The following NRP1 variants were observed in gnomAD, a reference collection of about 807,000 sequenced individuals.
The protein encoded by NRP1 is neuropilin-1.
In NRP1, 35 loss-of-function variants were observed where a neutral mutation model predicts 106.7. The ratio of observed to expected loss-of-function variants is 0.33; its 90% CI spans 0.25 to 0.43. The LOEUF (loss-of-function observed/expected upper bound fraction) is 0.43. NRP1 is among the 20% of genes least tolerant of loss of function. The pLI is 1.00. For missense variants in NRP1, 1,024 were observed against 1,170.4 expected, an observed-to-expected ratio of 0.87 and a Z score of 1.83; for synonymous variants, 437 against 417.9, an observed-to-expected ratio of 1.05 and a Z score of -0.56.
chr10:33,197,594 C>T, intron 12 of NRP1, 56 bp downstream of exon 12: 5 of 1,400,664 alleles, frequency 3.6e-6, no homozygotes, highest in Admixed American at 1.9e-5. Context: ...AGGAGCGCAG[C>T]CGCGGAGAGA....
At chr10:33,289,893 G>A (rs72790259) in intron 2 of NRP1, among the ~76,000 whole-genome samples, 159 of 152,268 alleles carry the variant, frequency 1.0e-3, no homozygotes, top group Non-Finnish European at 2.1e-3. Context: ...CAGTATCTGC[G>A]GAGGCCAGCA....
At chr10:33,214,302 T>C (rs1404138312) in intron 8 of NRP1, among the ~76,000 whole-genome samples, 1 of 152,166 alleles carries the variant, frequency 6.6e-6, no homozygotes, top group Non-Finnish European at 1.5e-5. Flanking sequence ...ACTTTCCACA[T>C]GAATGTCTCA....
chr10:33,298,365 G>A (rs924314936), intron 2 of NRP1, among the ~76,000 whole-genome samples: 1 of 152,216 alleles, frequency 6.6e-6, no homozygotes, highest in Non-Finnish European at 1.5e-5. Flanking sequence ...CTGTTCTGGC[G>A]CTGGGCTATT....
At chr10:33,246,196 C>T (rs1488288683) in intron 6 of NRP1, among the ~76,000 whole-genome samples, 1 of 149,240 alleles carries the variant, frequency 6.7e-6, no homozygotes. Flanking sequence ...ATAATCATCT[C>T]TAATGTGTGC....
rs773167360 is a variant in NRP1, at chr10:33,244,792, G to A, written c.981+9236C>T. On this transcript the variant is annotated intron_variant, in intron 6 of 16. Coordinates refer to ENST00000374867, the MANE Select transcript of NRP1 (RefSeq NM_003873.7). ...TACATACCACATAAAAACAAAACTA[G>A]GTAGGCAAAGGTCAGTGACATACAA... Among the ~76,000 whole-genome samples, 71 of 152,028 alleles carry A rather than the reference G, an allele frequency of 4.7e-4. 1 individual carries two copies. The highest frequency in any genetic ancestry group is 6.2e-4 in the South Asian group (3 of 4,810).
At chr10:33,246,540 T>A (rs1262721217) in intron 6 of NRP1, among the ~76,000 whole-genome samples, 2 of 152,052 alleles carry the variant, frequency 1.3e-5, no homozygotes, top group Non-Finnish European at 2.9e-5. Flanking sequence ...TCCTTCCAGA[T>A]GAATGTTTTG....
At chr10:33,206,077 T>C (rs1003717946) in intron 10 of NRP1, 7 of 413,784 alleles carry the variant, frequency 1.7e-5, no homozygotes, top group South Asian at 3.6e-5. Context: ...ACTGTCATCA[T>C]GTTCTCATTA....
intron 1 of NRP1, among the ~76,000 whole-genome samples, chr10:33,332,147 A>C (rs1848326420): frequency 6.6e-6 from 1 of 152,222 alleles, no homozygotes; most frequent in African/African-American, 2.4e-5. Flanking sequence ...ATAAATTAAA[A>C]AAAGAAGACA....
chr10:33,245,999 T>G (rs1841392762), intron 6 of NRP1, among the ~76,000 whole-genome samples: 1 of 152,198 alleles, frequency 6.6e-6, no homozygotes, highest in Non-Finnish European at 1.5e-5. Flanking sequence ...TCTAAGAGGC[T>G]TTTTCAAATA....
chr10:33,180,373 A>G lies in NRP1; in HGVS notation c.2483-8T>C, dbSNP rs1835608563. 1 of 1,571,530 alleles carries G rather than the reference A, an allele frequency of 6.4e-7. No individual in the cohort carries two copies. The highest frequency in any genetic ancestry group is 1.4e-5 in the African/African-American group (1 of 73,280). ...CGTATCCTGGCGTGCTCCCTATGGA[A>G]AAAAACAATATTGTCTCCGTGAGCA... On this transcript the variant is annotated splice_region_variant and splice_polypyrimidine_tract_variant and intron_variant, in intron 16 of 16. Transcript: ENST00000374867.
chr10:33,208,259 C>A (rs1837979500), intron 9 of NRP1, among the ~76,000 whole-genome samples: 1 of 152,174 alleles, frequency 6.6e-6, no homozygotes, highest in South Asian at 2.1e-4. Flanking sequence ...CATGATGTTG[C>A]CCAGGCTGGT....
At chr10:33,315,605 G>A (rs534031284) in intron 2 of NRP1, among the ~76,000 whole-genome samples, 1 of 152,320 alleles carries the variant, frequency 6.6e-6, no homozygotes, top group Non-Finnish European at 1.5e-5. Context: ...TGTAACTACT[G>A]TATGATCTTG....
chr10:33,237,487 G>T (rs566873088), intron 6 of NRP1, among the ~76,000 whole-genome samples: 1 of 144,758 alleles, frequency 6.9e-6, no homozygotes, highest in Non-Finnish European at 1.5e-5. Flanking sequence ...ACATGCGCGC[G>T]CACACACACA....
At chr10:33,300,400 T>TA (rs539029273) in intron 2 of NRP1, among the ~76,000 whole-genome samples, 258 of 152,324 alleles carry the variant, frequency 1.7e-3, no homozygotes, top group South Asian at 5.2e-3. Context: ...GTGGGAGCTC[T>TA]AAGGCTCCAC....
At chr10:33,331,898 G>A (rs1471139290) in intron 1 of NRP1, among the ~76,000 whole-genome samples, 1 of 151,984 alleles carries the variant, frequency 6.6e-6, no homozygotes, top group African/African-American at 2.4e-5. Flanking sequence ...TAAGAGAAAC[G>A]GTATGAAAAC....
intron 8 of NRP1, among the ~76,000 whole-genome samples, chr10:33,215,660 C>T (rs772589194): frequency 6.6e-6 from 1 of 152,132 alleles, no homozygotes; most frequent in African/African-American, 2.4e-5. Context: ...ATATAACTAC[C>T]CCTAAGTGAG....
intron 1 of NRP1, 51 bp downstream of exon 1, chr10:33,334,259 C>A: frequency 6.7e-7 from 1 of 1,503,722 alleles, no homozygotes; most frequent in Non-Finnish European, 9.0e-7. Flanking sequence ...CCGGGGCGGG[C>A]AGCTGGGAGC....
At chr10:33,245,174 A>G (rs903232443) in intron 6 of NRP1, among the ~76,000 whole-genome samples, 1 of 152,090 alleles carries the variant, frequency 6.6e-6, no homozygotes, top group Non-Finnish European at 1.5e-5. Context: ...ACAACAATGA[A>G]TTTTTTTCTT....
chr10:33,187,269 C>T (rs1836073486), intron 13 of NRP1, among the ~76,000 whole-genome samples: 1 of 152,230 alleles, frequency 6.6e-6, no homozygotes, highest in Non-Finnish European at 1.5e-5. Context: ...TTTTATTTAT[C>T]ATTTGAGCAG....
Sources: allele counts gnomAD v4.1 joint callset (sites outside exome capture counted in the v4.1 genomes callset), GRCh38; gene constraint gnomAD v4.1.1; transcripts MANE v1.5; gene names NCBI Gene and HGNC (gene_info 2026-07-23, HGNC 2026-07-21).